Variants in DNM1 observed in about 807,000 individuals in gnomAD.
The protein encoded by DNM1 is dynamin-1.
DNM1 carries 29 observed loss-of-function variants against 104.6 expected under a neutral mutation model. The ratio of observed to expected loss-of-function variants is 0.28; its 90% CI spans 0.21 to 0.38. DNM1 has a LOEUF of 0.38. DNM1 is among the 10% of genes least tolerant of loss of function. The pLI, the probability that DNM1 is intolerant of heterozygous loss-of-function variation, is 1.00. For synonymous variants in DNM1, 445 were observed against 475.8 expected, an observed-to-expected ratio of 0.94 and a Z score of 0.84; for missense variants, 640 against 1,189.4, an observed-to-expected ratio of 0.54 and a Z score of 6.79.
At chr9:128,219,817 G>A (rs1019119157) in intron 4 of DNM1, among the ~76,000 whole-genome samples, 171 bp from the exon 5 acceptor site, 1 of 151,960 alleles carries the variant, frequency 6.6e-6, no homozygotes, top group Non-Finnish European at 1.5e-5. Context: ...AAAACAAGAA[G>A]AATAAATAAA....
At chr9:128,207,310 T>G (rs1307357721) in intron 1 of DNM1, among the ~76,000 whole-genome samples, 1 of 151,802 alleles carries the variant, frequency 6.6e-6, no homozygotes, top group South Asian at 2.1e-4. Context: ...AATTTGGAAG[T>G]CGTTGGTGTA....
intron 15 of DNM1, among the ~76,000 whole-genome samples, chr9:128,244,295 G>C (rs897506559): frequency 6.6e-6 from 1 of 151,856 alleles, no homozygotes; most frequent in African/African-American, 2.4e-5. Context: ...ATGGGTGTGA[G>C]ATTGAAAGTG....
intron 14 of DNM1, among the ~76,000 whole-genome samples, chr9:128,241,324 C>T (rs1836351452): frequency 6.6e-6 from 1 of 152,132 alleles, no homozygotes; most frequent in South Asian, 2.1e-4. Flanking sequence ...GTGACCCTAC[C>T]CCTGAAGTAG....
chr9:128,215,162 CA>C (rs1324361785), intron 1 of DNM1, among the ~76,000 whole-genome samples: 6 of 152,242 alleles, frequency 3.9e-5, no homozygotes, highest in Non-Finnish European at 1.5e-5. Flanking sequence ...GACTGGGAAG[CA>C]GACCTCTCGG....
chr9:128,203,399 G>C lies in DNM1; in HGVS notation c.-72G>C. On this transcript the variant is annotated 5_prime_UTR_variant, in exon 1 of 22. Coordinates refer to ENST00000372923, the MANE Select transcript of DNM1 (RefSeq NM_004408.4). The surrounding 1 kb of genome is among the most constrained non-coding windows in gnomAD (Gnocchi z 5.3). ...CAGGCAGTCTGGGCGCGCGGCTGCA[G>C]CGGCGGAGCCGGAGTCGGAGCCGGG... is the stretch of plus-strand genomic sequence containing the variant. 7.6e-7 allele frequency: 1 copy of C among 1,320,138 alleles called. No homozygotes were observed. Among genetic ancestry groups the C allele is most frequent in the African/African-American group, 1.6e-5 (1 of 64,276 alleles). 81.8% of individuals were successfully genotyped at this position (1,320,138 alleles called of 1,614,324 possible). A position where few individuals can be genotyped will look rare whatever the true frequency, so the allele number is the denominator to read the frequency against.
Position 128,218,935 on chromosome 9 carries a change from C to G in DNM1, c.386-114C>G. 2.2e-6 allele frequency: 3 copies of G among 1,343,082 alleles called. No individual in the cohort carries two copies. The highest frequency in any genetic ancestry group is 3.1e-6 in the Non-Finnish European group (3 of 980,674). The allele number at this position is 1,343,082 out of a possible 1,614,324, so 83.2% of individuals were successfully genotyped here. On this transcript the variant is annotated intron_variant, in intron 3 of 21. Transcript: ENST00000372923. The surrounding 1 kb of genome is among the most constrained non-coding windows in gnomAD (Gnocchi z 4.8). ...CACTTTCGCCCTGAGATTTCCTAGTCCCACCCACCTGCCACCCTGCTCCCA... is the reference window on the plus strand; with the variant it reads ...CACTTTCGCCCTGAGATTTCCTAGTGCCACCCACCTGCCACCCTGCTCCCA...
At position 128,253,427 on chromosome 9, in the gene DNM1, G is replaced by A. The variant is rs1829652303; in HGVS notation, c.2535-1227G>A. On this transcript the variant is annotated intron_variant, in intron 21 of 21. Transcript: ENST00000372923. The surrounding 1 kb of genome is among the most constrained non-coding windows in gnomAD (Gnocchi z 5.9). ...GCAGACATGGGTGCTCTCTGGAGCC[G>A]TCAGAGAGGGCAGAGAGCTCGTGGT... 2.2e-5 allele frequency: 11 copies of A among 503,064 alleles called. No homozygotes were observed. The highest frequency in any genetic ancestry group is 1.2e-4 in the South Asian group (5 of 42,164). 31.2% of individuals were successfully genotyped at this position (503,064 alleles called of 1,614,324 possible).
At position 128,250,935 on chromosome 9, in the gene DNM1, C is replaced by T; in HGVS notation, c.2529C>T (p.Val843=). ...GCCCCAACCGCGCCCCGCCCGGGGT[C>T]CCCAGGTGAGTAGGGGCTGAATGCG... ...PSRPNRAPPG[V]PSRSGQASPS... The change falls in exon 21 of 22, where the codon GTC becomes GTT. Residue 843 remains valine, a synonymous_variant. Coordinates refer to ENST00000372923, the MANE Select transcript of DNM1 (RefSeq NM_004408.4). 7.2e-7 allele frequency: 1 copy of T among 1,390,552 alleles called. No homozygotes were observed. The highest frequency in any genetic ancestry group is 1.6e-5 in the South Asian group (1 of 64,036). 86.1% of individuals were successfully genotyped at this position (1,390,552 alleles called of 1,614,324 possible).
At chr9:128,237,539 G>T (rs1012130676) in intron 11 of DNM1, among the ~76,000 whole-genome samples, 2 of 152,158 alleles carry the variant, frequency 1.3e-5, no homozygotes, top group Non-Finnish European at 2.9e-5. Flanking sequence ...AAAGTGCTGG[G>T]ATTACAGGCG....
chr9:128,224,200 G>C lies in DNM1; in HGVS notation c.1197-51G>C. 1 of 1,577,376 alleles carries C rather than the reference G, an allele frequency of 6.3e-7. No individual in the cohort carries two copies. The highest frequency in any genetic ancestry group is 8.6e-7 in the Non-Finnish European group (1 of 1,159,154). On this transcript the variant is annotated intron_variant, in intron 9 of 21. Transcript: ENST00000372923. The surrounding 1 kb of genome is among the most constrained non-coding windows in gnomAD (Gnocchi z 4.3). ...GGAGGAGCCTCGGCCTGGCCCTCCT[G>C]GCCGGCACTGGCCTGTGACACTCTG...
intron 11 of DNM1, among the ~76,000 whole-genome samples, chr9:128,235,989 G>A (rs778424466): frequency 1.3e-5 from 2 of 152,018 alleles, no homozygotes; most frequent in Non-Finnish European, 2.9e-5. Flanking sequence ...CTGAGATTAC[G>A]AGCATGAGCC....
At position 128,208,685 on chromosome 9, in the gene DNM1, C is replaced by A. The variant is rs567701811; in HGVS notation, c.161+5054C>A. Among the ~76,000 whole-genome samples, 4 of 152,264 alleles carry A rather than the reference C, an allele frequency of 2.6e-5. No individual in the cohort carries two copies. The South Asian group carries it at 8.3e-4, about 32-fold the overall frequency. On this transcript the variant is annotated intron_variant, in intron 1 of 21. Coordinates refer to ENST00000372923, the MANE Select transcript of DNM1 (RefSeq NM_004408.4). ...CAGTTGTGAGTCAGCCAGACCCATC[C>A]TGCTTGGGGAGGCTTGCGGCTGATC...
chr9:128,222,121 C>T lies in DNM1; in HGVS notation c.850-76C>T, dbSNP rs1265725932. ...AGCTCTCCACCTCACCACGTTCACA[C>T]AGTCCCCTGGCATCCAAGTCCCTTC... is the stretch of plus-strand genomic sequence containing the variant. On this transcript the variant is annotated intron_variant, in intron 6 of 21. Transcript: ENST00000372923. The surrounding 1 kb of genome is among the most constrained non-coding windows in gnomAD (Gnocchi z 7.8). The T allele has an allele frequency of 2.0e-6, 3 of 1,528,006 alleles. No individual in the cohort carries two copies. Among genetic ancestry groups the T allele is most frequent in the South Asian group, 2.6e-5 (2 of 78,126 alleles). The allele number at this position is 1,528,006 out of a possible 1,614,324, so 94.7% of individuals were successfully genotyped here.
chr9:128,223,829 A>G (rs1443195254), intron 9 of DNM1: 1 of 154,300 alleles, frequency 6.5e-6, no homozygotes, highest in African/African-American at 2.4e-5. Flanking sequence ...CAGGCGGATC[A>G]TGAGGTCAGG....
chr9:128,216,045 C>T (rs925613321), intron 1 of DNM1, among the ~76,000 whole-genome samples: 3 of 152,038 alleles, frequency 2.0e-5, no homozygotes, highest in Admixed American at 6.5e-5. Flanking sequence ...AACCCCCTCC[C>T]TCTGTGCCGC....
chr9:128,247,394 C>T lies in DNM1; in HGVS notation c.1801C>T (p.Arg601Trp), dbSNP rs1207112230. ...TTGCAGGAATGTCTACAAGGATTAT[C>T]GGCAGCTGGAGCTAGCCTGTGAGAC... is the stretch of plus-strand genomic sequence containing the variant. Reference protein sequence around the residue: ...TEQRNVYKDYRQLELACETQE... With the variant: ...TEQRNVYKDYWQLELACETQE... The change falls in exon 17 of 22, where the codon CGG becomes TGG. Residue 601 changes from arginine (R) to tryptophan (W), a missense_variant. Around this residue, in one of 7 missense-constraint regions of DNM1, gnomAD observed 91 missense variants for 256.3 expected, o/e 0.36. Coordinates refer to ENST00000372923, the MANE Select transcript of DNM1 (RefSeq NM_004408.4). The surrounding 1 kb of genome is among the most constrained non-coding windows in gnomAD (Gnocchi z 5.1). 6.2e-7 allele frequency: 1 copy of T among 1,612,548 alleles called. No homozygotes were observed. The highest frequency in any genetic ancestry group is 8.5e-7 in the Non-Finnish European group (1 of 1,179,072).
In DNM1 at chr9:128,218,364, A is replaced by C; in HGVS notation, c.235+60A>C. On this transcript the variant is annotated intron_variant, in intron 2 of 21. Transcript: ENST00000372923. The surrounding 1 kb of genome is among the most constrained non-coding windows in gnomAD (Gnocchi z 4.8). ...CCACTCCAGCCTCTCCCCCGTCCCCAAGCTGAGGGCCAGCCTGGCCACGAA... is the reference window on the plus strand; with the variant it reads ...CCACTCCAGCCTCTCCCCCGTCCCCCAGCTGAGGGCCAGCCTGGCCACGAA... The C allele has an allele frequency of 6.3e-7, 1 of 1,586,512 alleles. No homozygotes were observed. Among genetic ancestry groups the C allele is most frequent in the East Asian group, 2.2e-5 (1 of 44,696 alleles).
chr9:128,222,391 G>A lies in DNM1; in HGVS notation c.992+52G>A, dbSNP rs377620113. 1.8e-5 allele frequency: 29 copies of A among 1,609,116 alleles called. No homozygotes were observed. Among genetic ancestry groups the A allele is most frequent in the East Asian group, 2.2e-5 (1 of 44,778 alleles). On this transcript the variant is annotated intron_variant, in intron 7 of 21. Coordinates refer to ENST00000372923, the MANE Select transcript of DNM1 (RefSeq NM_004408.4). This position sits in a 1 kb window ranked among gnomAD's most constrained non-coding sequence, Gnocchi z 7.8. ...GAATCCCCGCCCCCAGCCTCTCAGC[G>A]TGGGGCTCTCCCAGGGTTCCCTTTG...
At position 128,252,762 on chromosome 9, in the gene DNM1, C is replaced by T. The variant is rs72756866; in HGVS notation, c.2534+1822C>T. On this transcript the variant is annotated intron_variant, in intron 21 of 21. Transcript: ENST00000372923. ...GGTGATCCTCTAAGCACACCAGGCA[C>T]GAGTGTGCAGGGAGCTGGTGCAAAT... 1,130 of 588,144 alleles carry T rather than the reference C, an allele frequency of 1.9e-3. 7 individuals carry two copies. Among genetic ancestry groups the T allele is most frequent in the Non-Finnish European group, 3.0e-3 (933 of 312,570 alleles). 36.4% of individuals were successfully genotyped at this position (588,144 alleles called of 1,614,324 possible).
Sources: allele counts gnomAD v4.1 joint callset (sites outside exome capture counted in the v4.1 genomes callset), GRCh38; gene constraint gnomAD v4.1.1; regional missense constraint gnomAD v4.1.1; non-coding constraint Gnocchi (gnomAD v3.1); transcripts MANE v1.5; gene names NCBI Gene and HGNC (gene_info 2026-07-23, HGNC 2026-07-21).